CDK12: variants seen among roughly 807,000 people sequenced by gnomAD.
CDK12 encodes the protein cyclin-dependent kinase 12.
Under a neutral mutation model 133.8 loss-of-function variants are expected in CDK12, and 17 were observed. The observed-to-expected ratio is 0.13, with a 90% CI of 0.09 to 0.19. The LOEUF is 0.19. Ranked by LOEUF, CDK12 falls within the 10% of genes least tolerant of loss-of-function variation. CDK12 has a pLI of 1.00. For synonymous variants in CDK12, 694 were observed against 683.6 expected (o/e 1.02, Z -0.24); for missense variants, 1,508 against 1,818.7 (o/e 0.83, Z 3.11).
Position 39,533,217 on chromosome 17 carries a change from C to T in CDK12, c.*1901C>T, listed in dbSNP as rs2054969079. Reference sequence around the variant, plus strand: ...TCTCTGGTTTTTGATCTGGCCTTGCCTCCAGGGCCAAACACTGATTTAGAA... The same window carrying T: ...TCTCTGGTTTTTGATCTGGCCTTGCTTCCAGGGCCAAACACTGATTTAGAA... On this transcript the variant is annotated 3_prime_UTR_variant, in exon 14 of 14. Coordinates refer to ENST00000447079, the MANE Select transcript of CDK12 (RefSeq NM_016507.4). The T allele has an allele frequency of 1.3e-5, 3 of 233,076 alleles. No individual in the cohort carries two copies. Among genetic ancestry groups the T allele is most frequent in the Non-Finnish European group, 2.5e-5 (3 of 117,862 alleles). The allele number at this position is 233,076 out of a possible 1,614,324, so 14.4% of individuals were successfully genotyped here.
intron 10 of CDK12, among the ~76,000 whole-genome samples, chr17:39,517,930 G>A (rs189053080): frequency 6.9e-4 from 104 of 151,648 alleles, no homozygotes; most frequent in Non-Finnish European, 1.1e-3. Flanking sequence ...AGGGCTCACT[G>A]CAGCCTTGAC....
chr17:39,492,566 C>T (rs1345464514), intron 3 of CDK12, among the ~76,000 whole-genome samples, 185 bp from the exon 4 acceptor site: 6 of 150,684 alleles, frequency 4.0e-5, no homozygotes, highest in African/African-American at 1.5e-4. Flanking sequence ...CGCTACCACG[C>T]CTGGCTAATT....
chr17:39,503,292 C>T (rs570028415), intron 6 of CDK12, among the ~76,000 whole-genome samples: 3 of 152,204 alleles, frequency 2.0e-5, no homozygotes, highest in African/African-American at 4.8e-5. Flanking sequence ...AGGCTGGTCT[C>T]GAACTCCTGA....
chr17:39,486,043 C>G (rs950333196), intron 2 of CDK12, among the ~76,000 whole-genome samples: 6 of 151,024 alleles, frequency 4.0e-5, no homozygotes, highest in African/African-American at 1.5e-4. Context: ...ACCTCTGCCT[C>G]CTGGGTTGAA....
In CDK12 at chr17:39,520,848, A is replaced by G. The variant is rs1598155258; in HGVS notation, c.3095+761A>G. On this transcript the variant is annotated intron_variant, in intron 11 of 13. Coordinates refer to ENST00000447079, the MANE Select transcript of CDK12 (RefSeq NM_016507.4). ...GCTAATTTTTTTGTATTTTTGTTTC[A>G]TTTTGTTTTGTTTTTTGAGATGGAG... Among the ~76,000 whole-genome samples, 12 of 151,554 alleles carry G rather than the reference A, an allele frequency of 7.9e-5. 3 individuals are homozygous for G. Among genetic ancestry groups the G allele is most frequent in the Admixed American group, 7.9e-4 (12 of 15,216 alleles).
chr17:39,481,634 CT>C (rs2050676168), intron 2 of CDK12, among the ~76,000 whole-genome samples: 7 of 3,908 alleles, frequency 1.8e-3, no homozygotes, highest in African/African-American at 5.3e-3. Context: ...CGCTCGCGCG[CT>C]CTCTCTCTCT....
chr17:39,479,307 T>TGAAAAA (rs2050454369), intron 2 of CDK12, among the ~76,000 whole-genome samples: 1 of 56,054 alleles, frequency 1.8e-5, no homozygotes, highest in Non-Finnish European at 4.4e-5. Flanking sequence ...AGACTCCGTC[T>TGAAAAA]GAAAAAAAAA....
rs890712503 is a variant in CDK12, at chr17:39,485,557, C to T, written c.1932-5000C>T. The stretch of plus-strand genomic sequence containing the variant: ...CTCCTGAGTAGCTGGGACTAACAGG[C>T]GGGTGCCACCACGCCTGGCTAATTT... On this transcript the variant is annotated intron_variant, in intron 2 of 13. Transcript: ENST00000447079. Among the ~76,000 whole-genome samples, 123 of 151,826 alleles carry T rather than the reference C, an allele frequency of 8.1e-4. 1 individual carries two copies. Among genetic ancestry groups the T allele is most frequent in the African/African-American group, 2.4e-3 (101 of 41,440 alleles).
intron 5 of CDK12, 45 bp downstream of exon 5, chr17:39,494,739 C>G: frequency 8.9e-7 from 1 of 1,117,424 alleles, no homozygotes; most frequent in Non-Finnish European, 1.3e-6. Context: ...CTGGTCCAAT[C>G]TTTGCCTTTC....
chr17:39,466,390 G>A (rs1435045178), intron 1 of CDK12, among the ~76,000 whole-genome samples: 1 of 149,498 alleles, frequency 6.7e-6, no homozygotes, highest in Non-Finnish European at 1.5e-5. Flanking sequence ...TGAGGCAGGC[G>A]GATCACCTGA....
chr17:39,561,656 G>A (rs1395693426), intron 3 of CDK12, among the ~76,000 whole-genome samples: 1 of 152,146 alleles, frequency 6.6e-6, no homozygotes, highest in African/African-American at 2.4e-5. Flanking sequence ...AGTTCTGTCT[G>A]GCCAAAGGCT....
intron 8 of CDK12, among the ~76,000 whole-genome samples, chr17:39,514,401 G>A (rs1421308034): frequency 6.6e-6 from 1 of 152,100 alleles, no homozygotes; most frequent in Non-Finnish European, 1.5e-5. Context: ...ATTTGGTTTT[G>A]TATTTGTCTC....
chr17:39,481,629 GCGCGCTCTCTCTCTCTCT>G (rs2050664304), intron 2 of CDK12, among the ~76,000 whole-genome samples: 1 of 25,026 alleles, frequency 4.0e-5, no homozygotes, highest in African/African-American at 8.7e-5. Context: ...TTGCTCGCTC[GCGCGCTCTCTCTCTCTCT>G]CTCTCTCTCT....
intron 2 of CDK12, among the ~76,000 whole-genome samples, chr17:39,485,443 C>A (rs2051046916): frequency 8.3e-6 from 1 of 119,800 alleles, no homozygotes; most frequent in South Asian, 3.1e-4. Flanking sequence ...GAAACAGAGT[C>A]TCACTCTGTC....
chr17:39,490,147 A>ATTTGAGACCAGGAG (rs1441689009), intron 2 of CDK12, among the ~76,000 whole-genome samples: 2 of 151,794 alleles, frequency 1.3e-5, no homozygotes, highest in East Asian at 3.9e-4. Flanking sequence ...CACGTGGATC[A>ATTTGAGACCAGGAG]TTTGAGACCA....
chr17:39,467,162 A>G (rs551389216), intron 1 of CDK12, among the ~76,000 whole-genome samples: 1 of 152,100 alleles, frequency 6.6e-6, no homozygotes, highest in East Asian at 1.9e-4. Flanking sequence ...TATTTTTAGT[A>G]GAGACGGGGT....
chr17:39,525,748 C>T lies in CDK12; in HGVS notation c.3308-116C>T, dbSNP rs59636115. 0.092 allele frequency: 66,619 copies of T among 724,680 alleles called. 3,698 individuals carry two copies. The highest frequency in any genetic ancestry group is 0.19 in the African/African-American group (10,496 of 56,070). 44.9% of individuals were successfully genotyped at this position (724,680 alleles called of 1,614,324 possible). ...CATTTTGAGGCATGAAAAAATGAGA[C>T]ATTTAAAATGAAATTTCATTTTTTG... On this transcript the variant is annotated intron_variant, in intron 12 of 13. Transcript: ENST00000447079.
intron 2 of CDK12, among the ~76,000 whole-genome samples, chr17:39,474,308 A>T (rs1331665990): frequency 6.6e-6 from 1 of 152,162 alleles, no homozygotes; most frequent in African/African-American, 2.4e-5. Flanking sequence ...TTTCAAGGTG[A>T]TAATTGTAAT....
chr17:39,471,840 C>T, intron 2 of CDK12, 77 bp downstream of exon 2: 1 of 1,242,768 alleles, frequency 8.0e-7, no homozygotes, highest in South Asian at 1.5e-5. Context: ...TTTGTCAACA[C>T]TACCCTCATG....
Sources: gnomAD v4.1 joint callset for allele counts (sites outside exome capture counted in the v4.1 genomes callset) on GRCh38, gnomAD v4.1.1 for gene constraint, MANE v1.5 for transcripts, NCBI Gene and HGNC (gene_info 2026-07-23, HGNC 2026-07-21) for gene names.